TMEM132B: variants seen among roughly 807,000 people sequenced by gnomAD.
TMEM132B encodes the protein transmembrane protein 132B.
Under a neutral mutation model 90.8 loss-of-function variants are expected in TMEM132B, and 18 were observed. The ratio of observed to expected loss-of-function variants is 0.20; its 90% CI spans 0.14 to 0.29. TMEM132B has a LOEUF of 0.29. TMEM132B is among the 10% of genes least tolerant of loss of function. The pLI, the probability that TMEM132B is intolerant of heterozygous loss-of-function variation, is 1.00. For missense variants in TMEM132B, 1,096 were observed against 1,326.8 expected (o/e 0.83, Z 2.70); for synonymous variants, 504 against 523.3 (o/e 0.96, Z 0.50).
chr12:125,559,126 C>T (rs1033195190), intron 4 of TMEM132B, among the ~76,000 whole-genome samples: 2 of 152,202 alleles, frequency 1.3e-5, no homozygotes, highest in African/African-American at 4.8e-5. Context: ...TGAAGAAAGA[C>T]TGGCCCAAGA....
At chr12:125,231,744 T>C (rs541859189) in intron 1 of TMEM132B, among the ~76,000 whole-genome samples, 1 of 151,906 alleles carries the variant, frequency 6.6e-6, no homozygotes, top group Non-Finnish European at 1.5e-5. Context: ...CAATTGCTTA[T>C]ACATCTTTTT....
chr12:125,278,477 C>CTT (rs35950577), intron 1 of TMEM132B, among the ~76,000 whole-genome samples: 12,934 of 141,412 alleles, frequency 0.091, 788 homozygotes, highest in African/African-American at 0.17. Flanking sequence ...GAATCTCCAT[C>CTT]TTTTTTTTTT....
chr12:125,415,752 A>G lies in TMEM132B; in HGVS notation c.1106+75A>G, dbSNP rs1031465062. 4 of 1,561,790 alleles carry G rather than the reference A, an allele frequency of 2.6e-6. No homozygotes were observed. Among genetic ancestry groups the G allele is most frequent in the Non-Finnish European group, 3.5e-6 (4 of 1,153,262 alleles). Reference sequence around the variant, plus strand: ...GGCTGCCAGAGCTGATAGCAAAATAATGTGCGTGTGGATAAAGCGATGCCT... The same window carrying G: ...GGCTGCCAGAGCTGATAGCAAAATAGTGTGCGTGTGGATAAAGCGATGCCT... On this transcript the variant is annotated intron_variant, in intron 3 of 8. Transcript: ENST00000682704. This position sits in a 1 kb window ranked among gnomAD's most constrained non-coding sequence, Gnocchi z 5.3.
At chr12:125,469,983 A>G (rs1881666954) in intron 3 of TMEM132B, among the ~76,000 whole-genome samples, 2 of 152,102 alleles carry the variant, frequency 1.3e-5, no homozygotes, top group African/African-American at 2.4e-5. Context: ...ATCACTCCCA[A>G]TATTAAAATA....
At chr12:125,414,019 A>AT (rs1448442839) in intron 2 of TMEM132B, among the ~76,000 whole-genome samples, 4 of 152,046 alleles carry the variant, frequency 2.6e-5, no homozygotes, top group African/African-American at 9.7e-5. Flanking sequence ...TGTCTTTTTT[A>AT]TTTTAGCCAT....
In TMEM132B at chr12:125,246,041, C is replaced by T. The variant is rs1416747827; in HGVS notation, c.67+59175C>T. Reference sequence around the variant, plus strand: ...AAACGGGACCCTCGTGTGCTTCTTCCACTGGAAGGATGGGCAGAGCCATTC... The same window carrying T: ...AAACGGGACCCTCGTGTGCTTCTTCTACTGGAAGGATGGGCAGAGCCATTC... On this transcript the variant is annotated intron_variant, in intron 1 of 8. Transcript: ENST00000682704. This position sits in a 1 kb window ranked among gnomAD's most constrained non-coding sequence, Gnocchi z 4.2. Among the ~76,000 whole-genome samples the T allele has an allele frequency of 6.6e-6, 1 of 152,226 alleles. No individual in the cohort carries two copies. Among genetic ancestry groups the T allele is most frequent in the Non-Finnish European group, 1.5e-5 (1 of 68,044 alleles).
chr12:125,653,896 G>T lies in TMEM132B; in HGVS notation c.2438G>T (p.Arg813Leu), dbSNP rs61753645. 1,045 of 1,614,106 alleles carry T rather than the reference G, an allele frequency of 6.5e-4. 10 individuals are homozygous for T. The highest frequency in any genetic ancestry group is 4.8e-4 in the Admixed American group (29 of 60,022). ...AGCAATGATATTGAGGGCATAAATC[G>T]GGAATATAAAGACCACCTCAGTAAT... is the stretch of plus-strand genomic sequence containing the variant. ...GGSNDIEGIN[R>L]EYKDHLSNSI... The change falls in exon 9 of 9, where the codon CGG becomes CTG. Residue 813 changes from arginine (R) to leucine (L), a missense_variant. Transcript: ENST00000682704.
At chr12:125,582,271 AATTATTATTATTATT>A (rs3042320) in intron 4 of TMEM132B, among the ~76,000 whole-genome samples, 3,786 of 145,812 alleles carry the variant, frequency 0.026, 145 homozygotes, top group East Asian at 0.14. Flanking sequence ...AAGTTTTAGC[AATTATTATTATTATT>A]ATTATTATTA....
rs7132723 is a variant in TMEM132B at position 125,277,403 on chromosome 12, T to C, written c.68-72049T>C. On this transcript the variant is annotated intron_variant, in intron 1 of 8. Coordinates refer to ENST00000682704, the MANE Select transcript of TMEM132B (RefSeq NM_001366854.1). The surrounding 1 kb of genome is among the most constrained non-coding windows in gnomAD (Gnocchi z 4.3). Reference sequence around the variant, plus strand: ...CTGAGGCTGGAGAATCGCTTGAACCTGGGAGGCGGAGGTTGCAGTGAGCCA... The same window carrying C: ...CTGAGGCTGGAGAATCGCTTGAACCCGGGAGGCGGAGGTTGCAGTGAGCCA... Among the ~76,000 whole-genome samples the C allele has an allele frequency of 0.47, 70,317 of 151,104 alleles. 18,143 individuals carry two copies. Among genetic ancestry groups the C allele is most frequent in the African/African-American group, 0.7 (28,815 of 41,036 alleles).
At chr12:125,635,430 T>A (rs1450884711) in intron 5 of TMEM132B, among the ~76,000 whole-genome samples, 2 of 152,198 alleles carry the variant, frequency 1.3e-5, no homozygotes, top group East Asian at 3.9e-4. Flanking sequence ...CTGAGAATGA[T>A]GGTTTCTAGC....
rs933826391 is a variant in TMEM132B, at chr12:125,209,237, C to T, written c.67+22371C>T. On this transcript the variant is annotated intron_variant, in intron 1 of 8. Transcript: ENST00000682704. This position sits in a 1 kb window ranked among gnomAD's most constrained non-coding sequence, Gnocchi z 4.4. The stretch of plus-strand genomic sequence containing the variant: ...AGCCTGGGTGCACACGAGGGCCGCT[C>T]TCTTTCTGTAAATGAATGTTGGGGA... Among the ~76,000 whole-genome samples, 1 of 152,196 alleles carries T rather than the reference C, an allele frequency of 6.6e-6. No homozygotes were observed. Among genetic ancestry groups the T allele is most frequent in the African/African-American group, 2.4e-5 (1 of 41,444 alleles).
intron 3 of TMEM132B, among the ~76,000 whole-genome samples, chr12:125,439,062 C>T (rs1166752532): frequency 1.3e-5 from 2 of 151,864 alleles, no homozygotes; most frequent in Non-Finnish European, 2.9e-5. Context: ...TTACCGTAGC[C>T]CTGTAGTATA....
chr12:125,237,126 C>T (rs1873954581), intron 1 of TMEM132B, among the ~76,000 whole-genome samples: 1 of 152,232 alleles, frequency 6.6e-6, no homozygotes, highest in South Asian at 2.1e-4. Context: ...GACTTGCTGA[C>T]ACTGCCAGCA....
At chr12:125,284,333 AC>A (rs778137512) in intron 1 of TMEM132B, among the ~76,000 whole-genome samples, 1 of 152,080 alleles carries the variant, frequency 6.6e-6, no homozygotes, top group African/African-American at 2.4e-5. Context: ...ATGAGCCATC[AC>A]CTATTTTTGA....
chr12:125,555,707 G>T (rs1315327613), intron 4 of TMEM132B, among the ~76,000 whole-genome samples: 1 of 129,290 alleles, frequency 7.7e-6, no homozygotes, highest in Non-Finnish European at 1.6e-5. Context: ...AGAACTTAAA[G>T]TATAGTAAAA....
At chr12:125,266,148 G>A (rs970560925) in intron 1 of TMEM132B, among the ~76,000 whole-genome samples, 43 of 152,252 alleles carry the variant, frequency 2.8e-4, no homozygotes, top group African/African-American at 1.0e-3. Context: ...AGAATTACTC[G>A]AACCCTGGAG....
chr12:125,322,730 A>G (rs569049139), intron 1 of TMEM132B, among the ~76,000 whole-genome samples: 1 of 152,306 alleles, frequency 6.6e-6, no homozygotes, highest in Non-Finnish European at 1.5e-5. Context: ...AAATTTCAAA[A>G]AGTATAAAAG....
At chr12:125,578,562 G>A (rs1370629719) in intron 4 of TMEM132B, among the ~76,000 whole-genome samples, 2 of 152,128 alleles carry the variant, frequency 1.3e-5, no homozygotes, top group East Asian at 3.9e-4. Context: ...GTGTAATTAA[G>A]TTACTGTCTA....
chr12:125,646,647 G>T (rs1407417066), intron 6 of TMEM132B, among the ~76,000 whole-genome samples: 1 of 152,170 alleles, frequency 6.6e-6, no homozygotes, highest in African/African-American at 2.4e-5. Context: ...AATAGCACCT[G>T]AGGGCTCTCA....
Sources: gnomAD v4.1 joint callset for allele counts (sites outside exome capture counted in the v4.1 genomes callset) on GRCh38, gnomAD v4.1.1 for gene constraint, Gnocchi (gnomAD v3.1) non-coding constraint, MANE v1.5 for transcripts, NCBI Gene and HGNC (gene_info 2026-07-23, HGNC 2026-07-21) for gene names.